SERPINB10: variants seen among roughly 807,000 people sequenced by gnomAD.
SERPINB10 encodes the protein serpin family B member 10.
SERPINB10 carries 35 observed loss-of-function variants against 39.1 expected under a neutral mutation model. That is an observed-to-expected ratio of 0.90 (90% CI 0.68 to 1.19). The LOEUF is 1.19. Among genes scored for constraint, SERPINB10 ranks in the 50% most tolerant of loss-of-function variants. The probability of loss-of-function intolerance (pLI) is 0.00; values close to 1 mark genes in which losing one functional copy is unlikely to be tolerated. For missense variants in SERPINB10, 546 were observed against 460.5 expected (o/e 1.19, Z -1.70); for synonymous variants, 190 against 158.1 (o/e 1.20, Z -1.52).
intron 5 of SERPINB10, among the ~76,000 whole-genome samples, chr18:63,921,013 G>A (rs1599082857): frequency 6.6e-6 from 1 of 151,964 alleles, no homozygotes; most frequent in Middle Eastern, 3.4e-3. Context: ...TTCAGCAATA[G>A]GATTTCGAAT....
In SERPINB10 at chr18:63,935,133, G is replaced by A. The variant is rs267605235; in HGVS notation, c.1085G>A (p.Arg362Gln). ...AAGSGSEIDI[R>Q]IRVPSIEFNA... ...GGCAGTGGGAGTGAGATAGATATAC[G>A]AATTAGAGTCCCATCCATTGAATTC... The change falls in exon 8 of 8, where the codon CGA (arginine) becomes CAA (glutamine). Residue 362 changes from arginine (R) to glutamine (Q), a missense_variant. Coordinates refer to ENST00000238508, the MANE Select transcript of SERPINB10 (RefSeq NM_005024.3). The A allele has an allele frequency of 1.4e-5, 23 of 1,613,486 alleles. No individual in the cohort carries two copies. The highest frequency in any genetic ancestry group is 4.5e-5 in the East Asian group (2 of 44,904).
chr18:63,927,978 T>C (rs1199276801), intron 5 of SERPINB10, among the ~76,000 whole-genome samples: 3 of 152,094 alleles, frequency 2.0e-5, no homozygotes, highest in Non-Finnish European at 4.4e-5. Flanking sequence ...TACTTGAAGG[T>C]TGAAAAGAAT....
chr18:63,916,819 G>T (rs1294241159), intron 2 of SERPINB10, among the ~76,000 whole-genome samples: 1 of 151,938 alleles, frequency 6.6e-6, no homozygotes, highest in Non-Finnish European at 1.5e-5. Flanking sequence ...TGTTAACATG[G>T]GTCAATGCAA....
chr18:63,915,725 C>T (rs757844247), intron 2 of SERPINB10, 47 bp downstream of exon 2: 56 of 1,470,404 alleles, frequency 3.8e-5, no homozygotes, highest in Non-Finnish European at 4.9e-5. Flanking sequence ...AAGCTAAGTG[C>T]TTTCATTGCC....
chr18:63,924,278 G>C (rs181047160), intron 5 of SERPINB10, among the ~76,000 whole-genome samples: 43 of 152,076 alleles, frequency 2.8e-4, no homozygotes, highest in Non-Finnish European at 4.3e-4. Flanking sequence ...CTGGGCATGG[G>C]AAGCTTCCAG....
chr18:63,926,469 G>A (rs904812185), intron 5 of SERPINB10, among the ~76,000 whole-genome samples: 1 of 151,916 alleles, frequency 6.6e-6, no homozygotes, highest in Non-Finnish European at 1.5e-5. Flanking sequence ...CAGGTACTAC[G>A]GGTTAGAAGT....
At chr18:63,931,237 T>A (rs1472798615) in intron 6 of SERPINB10, among the ~76,000 whole-genome samples, 1 of 152,206 alleles carries the variant, frequency 6.6e-6, no homozygotes, top group Non-Finnish European at 1.5e-5. Context: ...TTCATTCTCA[T>A]GCTGTCTCTT....
chr18:63,923,208 G>A lies in SERPINB10; in HGVS notation c.490+3303G>A, dbSNP rs114504959. On this transcript the variant is annotated intron_variant, in intron 5 of 7. Coordinates refer to ENST00000238508, the MANE Select transcript of SERPINB10 (RefSeq NM_005024.3). ...CTCCTCACTCTATTCCTCAGAAGCAGAATTGTCTAGAGAGGGAGAAAGCTG... is the reference window on the plus strand; with the variant it reads ...CTCCTCACTCTATTCCTCAGAAGCAAAATTGTCTAGAGAGGGAGAAAGCTG... Among the ~76,000 whole-genome samples, 1,103 of 152,036 alleles carry A rather than the reference G, an allele frequency of 7.3e-3. 15 individuals are homozygous for A. The highest frequency in any genetic ancestry group is 0.025 in the African/African-American group (1,044 of 41,512).
chr18:63,918,212 C>T (rs2050119033), intron 4 of SERPINB10, 110 bp downstream of exon 4: 1 of 1,106,254 alleles, frequency 9.0e-7, no homozygotes, highest in East Asian at 2.5e-5. Context: ...TTCATGTGGT[C>T]AGTACTTCCC....
chr18:63,918,341 G>T (rs2050120162), intron 4 of SERPINB10, among the ~76,000 whole-genome samples: 1 of 152,040 alleles, frequency 6.6e-6, no homozygotes, highest in Non-Finnish European at 1.5e-5. Flanking sequence ...TAGCCCCTGA[G>T]AATGGCCTAC....
intron 6 of SERPINB10, 55 bp downstream of exon 6, chr18:63,930,242 T>A (rs1411675880): frequency 1.3e-6 from 2 of 1,560,614 alleles, no homozygotes; most frequent in Non-Finnish European, 1.8e-6. Context: ...TACAAGTGAT[T>A]CTCTTATAAA....
rs948428105 is a variant in SERPINB10 at position 63,907,972 on chromosome 18, C to T, written c.-78C>T. ...TTAATTTCTTCAGTTGAAAGTTTCT[C>T]AACTCTTCAGCCACAATCTCTTACT... On this transcript the variant is annotated 5_prime_UTR_variant, in exon 1 of 8. Coordinates refer to ENST00000238508, the MANE Select transcript of SERPINB10 (RefSeq NM_005024.3). 1.6e-5 allele frequency: 5 copies of T among 312,370 alleles called. No individual in the cohort carries two copies. The highest frequency in any genetic ancestry group is 3.3e-5 in the Non-Finnish European group (5 of 152,352). The allele number at this position is 312,370 out of a possible 1,614,324, so 19.3% of individuals were successfully genotyped here.
chr18:63,924,392 G>A (rs2144731288), intron 5 of SERPINB10, among the ~76,000 whole-genome samples: 1 of 152,018 alleles, frequency 6.6e-6, no homozygotes. Context: ...TGTATTTGTA[G>A]CCCATTGCTG....
At chr18:63,922,147 T>C (rs1042009355) in intron 5 of SERPINB10, among the ~76,000 whole-genome samples, 6 of 151,978 alleles carry the variant, frequency 3.9e-5, no homozygotes, top group Admixed American at 2.0e-4. Context: ...GGCCTGCTCA[T>C]AGCAGTTGTT....
intron 5 of SERPINB10, among the ~76,000 whole-genome samples, chr18:63,927,724 G>A (rs61538269): frequency 4.6e-5 from 7 of 152,104 alleles, no homozygotes; most frequent in Admixed American, 2.0e-4. Context: ...TCAGCAACAC[G>A]CTACATTAAT....
intron 3 of SERPINB10, among the ~76,000 whole-genome samples, 163 bp from the exon 4 acceptor site, chr18:63,917,802 T>C (rs1278432065): frequency 6.6e-6 from 1 of 152,058 alleles, no homozygotes; most frequent in Non-Finnish European, 1.5e-5. Flanking sequence ...CAATAACATT[T>C]CATTCTTTTG....
At chr18:63,924,688 T>G (rs1369778586) in intron 5 of SERPINB10, among the ~76,000 whole-genome samples, 1 of 151,948 alleles carries the variant, frequency 6.6e-6, no homozygotes, top group Non-Finnish European at 1.5e-5. Flanking sequence ...TTTGAGTTTC[T>G]AACTCCCTGA....
chr18:63,930,058 T>C lies in SERPINB10; in HGVS notation c.504T>C (p.Asn168=). ...VERQTEGKIQ[N]LLPDDSVDST... ...TTGTTCTTACAGGTAAAATCCAGAA[T>C]CTCCTGCCTGATGACTCTGTGGATT... is the stretch of plus-strand genomic sequence containing the variant. Residue 168 remains asparagine, a synonymous_variant, in exon 6 of 8, where the codon AAT becomes AAC. Coordinates refer to ENST00000238508, the MANE Select transcript of SERPINB10 (RefSeq NM_005024.3). The C allele has an allele frequency of 6.2e-7, 1 of 1,613,272 alleles. No individual in the cohort carries two copies. The highest frequency in any genetic ancestry group is 2.2e-5 in the East Asian group (1 of 44,858).
intron 1 of SERPINB10, among the ~76,000 whole-genome samples, chr18:63,911,302 T>A (rs1375522798): frequency 2.0e-5 from 3 of 151,746 alleles, no homozygotes; most frequent in Middle Eastern, 3.4e-3. Context: ...TCTCACTTTG[T>A]TTTTTGTTGC....
Sources: allele counts gnomAD v4.1 joint callset (sites outside exome capture counted in the v4.1 genomes callset), GRCh38; gene constraint gnomAD v4.1.1; transcripts MANE v1.5; gene names NCBI Gene and HGNC (gene_info 2026-07-23, HGNC 2026-07-21).